The following SPATA16 variants were observed in gnomAD, a reference collection of about 807,000 sequenced individuals.
SPATA16 encodes the protein spermatogenesis-associated protein 16.
SPATA16 carries 36 observed loss-of-function variants against 63.3 expected under a neutral mutation model. The ratio of observed to expected loss-of-function variants is 0.57; its 90% CI spans 0.44 to 0.75. SPATA16 has a LOEUF of 0.75. Ranked by LOEUF, SPATA16 falls within the 30% of genes least tolerant of loss-of-function variation. The probability of loss-of-function intolerance (pLI) is 0.00; values close to 1 mark genes in which losing one functional copy is unlikely to be tolerated. For missense variants in SPATA16, 646 were observed against 679.3 expected, an observed-to-expected ratio of 0.95 and a Z score of 0.54; for synonymous variants, 203 against 216.7, an observed-to-expected ratio of 0.94 and a Z score of 0.56.
At chr3:173,137,159 G>A (rs528578171) in intron 1 of SPATA16, among the ~76,000 whole-genome samples, 13 of 152,148 alleles carry the variant, frequency 8.5e-5, no homozygotes, top group African/African-American at 2.7e-4. Context: ...ACCAGTTTAG[G>A]GCAACACCTC....
chr3:173,030,567 C>T (rs1735581987), intron 3 of SPATA16, among the ~76,000 whole-genome samples: 2 of 151,930 alleles, frequency 1.3e-5, no homozygotes, highest in Non-Finnish European at 2.9e-5. Flanking sequence ...TATAAAAAAT[C>T]AGAAATAAAA....
At chr3:172,982,333 T>C (rs1190799311) in intron 4 of SPATA16, among the ~76,000 whole-genome samples, 1 of 152,208 alleles carries the variant, frequency 6.6e-6, no homozygotes, top group Non-Finnish European at 1.5e-5. Context: ...ATGCAAAATT[T>C]AGCTCATATG....
chr3:173,112,499 GC>G (rs1406573631), intron 2 of SPATA16, among the ~76,000 whole-genome samples: 5 of 152,148 alleles, frequency 3.3e-5, no homozygotes, highest in African/African-American at 1.2e-4. Context: ...ACCACCTCTA[GC>G]TTTTGACCCT....
At chr3:173,063,492 T>G (rs575566718) in intron 2 of SPATA16, among the ~76,000 whole-genome samples, 6 of 152,114 alleles carry the variant, frequency 3.9e-5, no homozygotes, top group Non-Finnish European at 8.8e-5. Flanking sequence ...GATGAAGGCC[T>G]TGGTTAGTAG....
intron 2 of SPATA16, among the ~76,000 whole-genome samples, chr3:173,082,366 G>A (rs1342716607): frequency 6.6e-6 from 1 of 152,198 alleles, no homozygotes; most frequent in Non-Finnish European, 1.5e-5. Flanking sequence ...GAACATGACT[G>A]TGGGAAGAAA....
chr3:172,996,130 T>C (rs933191315), intron 4 of SPATA16, among the ~76,000 whole-genome samples: 29 of 152,230 alleles, frequency 1.9e-4, no homozygotes, highest in African/African-American at 6.7e-4. Flanking sequence ...TGCTTGATGT[T>C]TTCTCATGAT....
chr3:173,039,739 G>T lies in SPATA16; in HGVS notation c.758+9210C>A, dbSNP rs924133140. ...AAACTGCTATCAACTTGAATATAAG[G>T]GTAGAAGATAAAATGTCTGGGTGAA... On this transcript the variant is annotated intron_variant, in intron 3 of 10. Coordinates refer to ENST00000351008, the MANE Select transcript of SPATA16 (RefSeq NM_031955.6). Among the ~76,000 whole-genome samples the T allele has an allele frequency of 4.6e-5, 7 of 152,176 alleles. No homozygotes were observed. The South Asian group carries it at 1.5e-3, about 32-fold the overall frequency.
chr3:173,083,045 G>A (rs1255797111), intron 2 of SPATA16, among the ~76,000 whole-genome samples: 3 of 151,926 alleles, frequency 2.0e-5, no homozygotes, highest in African/African-American at 7.2e-5. Flanking sequence ...ATCTTTTAAA[G>A]TACATATGCA....
At chr3:173,067,277 A>C (rs904898918) in intron 2 of SPATA16, among the ~76,000 whole-genome samples, 1 of 152,222 alleles carries the variant, frequency 6.6e-6, no homozygotes, top group South Asian at 2.1e-4. Context: ...TAACCATAAA[A>C]AAGAATCCTT....
chr3:172,907,852 AC>A (rs752931651), intron 10 of SPATA16, among the ~76,000 whole-genome samples: 13 of 152,108 alleles, frequency 8.5e-5, no homozygotes, highest in Non-Finnish European at 1.8e-4. Flanking sequence ...TGTTGGTATT[AC>A]AGACGTGAGC....
chr3:172,950,925 C>A (rs1733416319), intron 6 of SPATA16, among the ~76,000 whole-genome samples: 1 of 151,924 alleles, frequency 6.6e-6, no homozygotes, highest in South Asian at 2.1e-4. Context: ...GCAAATAAAT[C>A]TTGATATTTT....
chr3:173,128,749 C>T (rs1465126344), intron 1 of SPATA16, among the ~76,000 whole-genome samples: 1 of 152,206 alleles, frequency 6.6e-6, no homozygotes, highest in Non-Finnish European at 1.5e-5. Context: ...TTTCATGCTT[C>T]TTTTGAAATA....
intron 1 of SPATA16, among the ~76,000 whole-genome samples, chr3:173,119,875 G>A (rs776798742): frequency 2.6e-5 from 4 of 152,124 alleles, no homozygotes; most frequent in Non-Finnish European, 4.4e-5. Flanking sequence ...ATCATCTGAG[G>A]TCAAGAGTTC....
At chr3:173,042,533 C>A (rs1167863794) in intron 3 of SPATA16, among the ~76,000 whole-genome samples, 2 of 152,082 alleles carry the variant, frequency 1.3e-5, no homozygotes, top group South Asian at 2.1e-4. Context: ...ATAATAGTCT[C>A]CTTTATGAAA....
chr3:173,140,821 C>T (rs940555681), intron 1 of SPATA16, among the ~76,000 whole-genome samples: 5 of 152,172 alleles, frequency 3.3e-5, no homozygotes, highest in African/African-American at 9.7e-5. Context: ...TTAGTCTTTA[C>T]TTTCTCACCA....
intron 9 of SPATA16, among the ~76,000 whole-genome samples, chr3:172,914,405 T>C (rs1732435363): frequency 1.3e-5 from 2 of 152,178 alleles, no homozygotes; most frequent in Non-Finnish European, 2.9e-5. Flanking sequence ...TCAAGCCATG[T>C]GCTATTCAAA....
intron 4 of SPATA16, among the ~76,000 whole-genome samples, chr3:173,015,346 G>A (rs1431146888): frequency 6.6e-6 from 1 of 152,190 alleles, no homozygotes; most frequent in African/African-American, 2.4e-5. Context: ...TTACAGGCGT[G>A]AGCCACTGCA....
intron 10 of SPATA16, among the ~76,000 whole-genome samples, chr3:172,896,180 A>G (rs1015491221): frequency 3.3e-5 from 5 of 152,146 alleles, no homozygotes; most frequent in African/African-American, 1.2e-4. Context: ...CTTAGGCTTT[A>G]TAATAGTGAT....
chr3:173,015,060 T>C (rs1735150061), intron 4 of SPATA16, among the ~76,000 whole-genome samples: 1 of 141,598 alleles, frequency 7.1e-6, no homozygotes, highest in Non-Finnish European at 1.5e-5. Context: ...TTTTTCTTTT[T>C]TCTCTTTTTT....
Sources: allele counts gnomAD v4.1 joint callset (sites outside exome capture counted in the v4.1 genomes callset), GRCh38; gene constraint gnomAD v4.1.1; transcripts MANE v1.5; gene names NCBI Gene and HGNC (gene_info 2026-07-23, HGNC 2026-07-21).